Variants in RTN4 observed in about 807,000 individuals in gnomAD.
RTN4 encodes reticulon-4.
RTN4 carries 32 observed loss-of-function variants against 90.4 expected under a neutral mutation model. The observed-to-expected ratio is 0.35, with a 90% CI of 0.27 to 0.48. RTN4 has a LOEUF of 0.48. Among genes scored for constraint, RTN4 ranks in the 20% least tolerant of loss-of-function variants. RTN4 has a pLI of 0.99. For synonymous variants in RTN4, 629 were observed against 552.5 expected (o/e 1.14, Z -1.94); for missense variants, 1,706 against 1,430.2 (o/e 1.19, Z -3.11).
At chr2:55,053,712 CAAAG>C (rs1310002841), upstream of RTN4, among the ~76,000 whole-genome samples, 11 of 147,540 alleles carry the variant, frequency 7.5e-5, no homozygotes, top group Admixed American at 4.0e-4. Context: ...AAAAAAGAAA[CAAAG>C]AAAAGAAAAT....
intron 2 of RTN4, among the ~76,000 whole-genome samples, chr2:55,063,283 G>T (rs1025291546): frequency 1.3e-5 from 2 of 152,216 alleles, no homozygotes; most frequent in Non-Finnish European, 2.9e-5. Flanking sequence ...GAAAGCCTTC[G>T]CAAGGAGGTT....
intron 2 of RTN4, among the ~76,000 whole-genome samples, chr2:55,059,196 T>C (rs1178986301): frequency 6.6e-6 from 1 of 152,222 alleles, no homozygotes; most frequent in African/African-American, 2.4e-5. Flanking sequence ...CAAAGCTCTT[T>C]GTAAATGTAA....
intron 1 of RTN4, among the ~76,000 whole-genome samples, chr2:55,080,869 G>A (rs1236344580): frequency 1.3e-5 from 2 of 152,102 alleles, no homozygotes; most frequent in Non-Finnish European, 2.9e-5. Context: ...AAGTTGATTT[G>A]AAAGAACTAA....
At position 55,025,483 on chromosome 2, in the gene RTN4, A is replaced by T; in HGVS notation, c.2616T>A (p.Pro872=). 1 of 1,613,750 alleles carries T rather than the reference A, an allele frequency of 6.2e-7. No individual in the cohort carries two copies. The highest frequency in any genetic ancestry group is 8.5e-7 in the Non-Finnish European group (1 of 1,179,782). ...SSPIEIIDEF[P]TLISSKTDSF... is the part of the protein sequence containing the mutation. Reference sequence around the variant, plus strand: ...AATCAGTTTTAGAACTGATCAATGTAGGGAACTCATCTATAATTTCAATTG... The same window carrying T: ...AATCAGTTTTAGAACTGATCAATGTTGGGAACTCATCTATAATTTCAATTG... Residue 872 remains proline (P), a synonymous_variant, in exon 3 of 9, where the codon CCT becomes CCA. Transcript: ENST00000337526.
At chr2:55,115,605 C>T (rs535622901), upstream of RTN4, among the ~76,000 whole-genome samples, 34 of 152,324 alleles carry the variant, frequency 2.2e-4, no homozygotes, top group South Asian at 5.0e-3. Flanking sequence ...GGTCCACCCC[C>T]GTCTTAAGCT....
upstream of RTN4, among the ~76,000 whole-genome samples, chr2:55,055,643 G>A (rs531860751): frequency 1.9e-3 from 290 of 152,014 alleles, 1 homozygote; most frequent in African/African-American, 6.9e-3. Flanking sequence ...GGTGGCGGGC[G>A]CCTGTAGTCC....
At chr2:55,137,711 C>T in the RTN4 span, among the ~76,000 whole-genome samples, 1 of 152,228 alleles carries the variant, frequency 6.6e-6, no homozygotes, top group South Asian at 2.1e-4. Flanking sequence ...AGCTCAGTCT[C>T]CCCCATGGCG....
intron 1 of RTN4, among the ~76,000 whole-genome samples, chr2:55,110,069 G>A (rs1668009227): frequency 6.6e-6 from 1 of 152,148 alleles, no homozygotes; most frequent in Non-Finnish European, 1.5e-5. Flanking sequence ...AGCATTGTGG[G>A]AAGTCGAGAC....
chr2:55,116,366 G>A (rs1260896021), upstream of RTN4, among the ~76,000 whole-genome samples: 1 of 152,104 alleles, frequency 6.6e-6, no homozygotes, highest in African/African-American at 2.4e-5. Flanking sequence ...TTCAAATGAT[G>A]ATAAAAATAG....
At chr2:55,074,680 C>G (rs1668571754) in intron 2 of RTN4, among the ~76,000 whole-genome samples, 1 of 152,050 alleles carries the variant, frequency 6.6e-6, no homozygotes, top group South Asian at 2.1e-4. Context: ...AAATCCTCAA[C>G]AAAATACTAG....
chr2:55,133,498 C>A, the RTN4 span, among the ~76,000 whole-genome samples: 1 of 152,118 alleles, frequency 6.6e-6, no homozygotes, highest in Admixed American at 6.5e-5. Flanking sequence ...TTCTTGTAAC[C>A]TCCTCCTTAT....
chr2:55,044,282 C>T (rs1683267314), intron 1 of RTN4, among the ~76,000 whole-genome samples: 1 of 151,894 alleles, frequency 6.6e-6, no homozygotes, highest in Non-Finnish European at 1.5e-5. Flanking sequence ...TCTCAGCTAC[C>T]TGGGGGGCTG....
At chr2:55,072,254 G>A (rs987963057) in intron 2 of RTN4, among the ~76,000 whole-genome samples, 1 of 148,804 alleles carries the variant, frequency 6.7e-6, no homozygotes, top group Non-Finnish European at 1.5e-5. Flanking sequence ...TTTTGAGGCA[G>A]AGCCTCGTTC....
chr2:55,076,841 G>A (rs1376034033), intron 2 of RTN4, among the ~76,000 whole-genome samples: 3 of 152,060 alleles, frequency 2.0e-5, no homozygotes, highest in Non-Finnish European at 4.4e-5. Flanking sequence ...GGTTTTAAAA[G>A]GGGCTTTTCT....
the RTN4 span, among the ~76,000 whole-genome samples, chr2:55,119,677 G>T: frequency 6.6e-6 from 1 of 152,164 alleles, no homozygotes; most frequent in Non-Finnish European, 1.5e-5. Flanking sequence ...GGGCAAAAAA[G>T]CAAAAGATCA....
intron 3 of RTN4, among the ~76,000 whole-genome samples, chr2:55,013,950 C>T (rs962112057): frequency 6.6e-6 from 1 of 152,126 alleles, no homozygotes; most frequent in African/African-American, 2.4e-5. Flanking sequence ...ATAATTTATA[C>T]TTTCCAGCCA....
chr2:54,988,680 G>A (rs1471241500), intron 3 of RTN4, among the ~76,000 whole-genome samples: 1 of 152,096 alleles, frequency 6.6e-6, no homozygotes, highest in Non-Finnish European at 1.5e-5. Context: ...TTCCTTCTAA[G>A]AGTTGATAGA....
At chr2:55,041,382 G>A (rs894430185) in intron 1 of RTN4, among the ~76,000 whole-genome samples, 1 of 151,866 alleles carries the variant, frequency 6.6e-6, no homozygotes, top group African/African-American at 2.4e-5. Flanking sequence ...CAGAGGGAGA[G>A]GGGACAAGAT....
chr2:55,131,816 G>A, the RTN4 span, among the ~76,000 whole-genome samples: 5 of 152,130 alleles, frequency 3.3e-5, no homozygotes, highest in South Asian at 6.2e-4. Context: ...CCCAGGAGGC[G>A]GAGGTTGCAG....
Sources: gnomAD v4.1 joint callset for allele counts (sites outside exome capture counted in the v4.1 genomes callset) on GRCh38, gnomAD v4.1.1 for gene constraint, MANE v1.5 for transcripts, NCBI Gene and HGNC (gene_info 2026-07-23, HGNC 2026-07-21) for gene names.